TOP1: variants seen among roughly 807,000 people sequenced by gnomAD.
TOP1 encodes the protein DNA topoisomerase I.
A neutral mutation model predicts 111.1 loss-of-function variants in TOP1; 10 were observed. The observed-to-expected ratio is 0.09, with a 90% CI of 0.06 to 0.15. TOP1 has a LOEUF of 0.15. Among genes scored for constraint, TOP1 ranks in the 10% least tolerant of loss-of-function variants. The pLI is 1.00. For synonymous variants in TOP1, 271 were observed against 302.9 expected (o/e 0.89, Z 1.10); for missense variants, 474 against 926.7 (o/e 0.51, Z 6.34).
chr20:41,062,345 T>C (rs1425229533), intron 3 of TOP1, among the ~76,000 whole-genome samples: 1 of 152,222 alleles, frequency 6.6e-6, no homozygotes, highest in East Asian at 1.9e-4. Context: ...CAAGTTAAAG[T>C]GAGAATTGCT....
intron 3 of TOP1, chr20:41,073,090 A>G (rs965021743): frequency 7.8e-5 from 77 of 985,282 alleles, no homozygotes; most frequent in Non-Finnish European, 8.8e-5. Context: ...CAAATGTCTC[A>G]TTTGCCTTGT....
intron 11 of TOP1, among the ~76,000 whole-genome samples, chr20:41,099,705 C>T (rs1196337015): frequency 6.6e-6 from 1 of 152,138 alleles, no homozygotes; most frequent in Non-Finnish European, 1.5e-5. Flanking sequence ...TTATGAGGCT[C>T]TATCAGAGAC....
In TOP1 at chr20:41,109,448, A is replaced by C. The variant is rs1330339067; in HGVS notation, c.1309-3334A>C. 6.6e-6 allele frequency among the ~76,000 whole-genome samples: 1 copy of C among 152,202 alleles called. No homozygotes were observed. The highest frequency in any genetic ancestry group is 2.4e-5 in the African/African-American group (1 of 41,460). On this transcript the variant is annotated intron_variant, in intron 13 of 20. Coordinates refer to ENST00000361337, the MANE Select transcript of TOP1 (RefSeq NM_003286.4). The surrounding 1 kb of genome is among the most constrained non-coding windows in gnomAD (Gnocchi z 4.1). ...GGACAGAAAAACACCAACAAGAGAA[A>C]CAATTGACTAAATGGACTTCATTAA...
intron 18 of TOP1, among the ~76,000 whole-genome samples, chr20:41,119,324 T>G (rs148333154): frequency 1.3e-3 from 199 of 152,352 alleles, no homozygotes; most frequent in African/African-American, 4.5e-3. Flanking sequence ...ATACTAAATT[T>G]CAGCTAGAAG....
rs913765743 is a variant in TOP1, at chr20:41,061,274, C to T, written c.59-120C>T. The T allele has an allele frequency of 3.2e-5, 28 of 877,858 alleles. No individual in the cohort carries two copies. Among genetic ancestry groups the T allele is most frequent in the South Asian group, 2.3e-4 (12 of 51,816 alleles). The allele number at this position is 877,858 out of a possible 1,614,324, so 54.4% of individuals were successfully genotyped here. On this transcript the variant is annotated intron_variant, in intron 2 of 20. Coordinates refer to ENST00000361337, the MANE Select transcript of TOP1 (RefSeq NM_003286.4). The surrounding 1 kb of genome is among the most constrained non-coding windows in gnomAD (Gnocchi z 4.6). ...AAGCTTTTTTTTTCAGTGGCATGTG[C>T]TATTATGCCTACCATGCCATTTGAA...
At position 41,110,606 on chromosome 20, in the gene TOP1, G is replaced by C. The variant is rs1304230658; in HGVS notation, c.1309-2176G>C. Among the ~76,000 whole-genome samples the C allele has an allele frequency of 6.6e-6, 1 of 152,198 alleles. No individual in the cohort carries two copies. The highest frequency in any genetic ancestry group is 2.4e-5 in the African/African-American group (1 of 41,444). On this transcript the variant is annotated intron_variant, in intron 13 of 20. Coordinates refer to ENST00000361337, the MANE Select transcript of TOP1 (RefSeq NM_003286.4). This position sits in a 1 kb window ranked among gnomAD's most constrained non-coding sequence, Gnocchi z 4.2. The stretch of plus-strand genomic sequence containing the variant: ...GAATGGATAGCAGCTATATTAGAGA[G>C]ACAATATAGTGGGCCTACTAGTTTT...
intron 2 of TOP1, among the ~76,000 whole-genome samples, chr20:41,055,445 A>T (rs1463244799): frequency 6.6e-6 from 1 of 151,860 alleles, no homozygotes; most frequent in Non-Finnish European, 1.5e-5. Context: ...ACCACGAGGG[A>T]TGTAGATCTG....
In TOP1 at chr20:41,109,914, A is replaced by G. The variant is rs1018361911; in HGVS notation, c.1309-2868A>G. Among the ~76,000 whole-genome samples, 1 of 152,262 alleles carries G rather than the reference A, an allele frequency of 6.6e-6. No individual in the cohort carries two copies. Among genetic ancestry groups the G allele is most frequent in the African/African-American group, 2.4e-5 (1 of 41,476 alleles). ...CAGAATAGATAACACATTATGGTATAGTCATAGAATATACTATATTTATCA... is the reference window on the plus strand; with the variant it reads ...CAGAATAGATAACACATTATGGTATGGTCATAGAATATACTATATTTATCA... On this transcript the variant is annotated intron_variant, in intron 13 of 20. Transcript: ENST00000361337. The surrounding 1 kb of genome is among the most constrained non-coding windows in gnomAD (Gnocchi z 4.1).
In TOP1 at chr20:41,092,672, G is replaced by A; in HGVS notation, c.730+85G>A. On this transcript the variant is annotated intron_variant, in intron 9 of 20. Coordinates refer to ENST00000361337, the MANE Select transcript of TOP1 (RefSeq NM_003286.4). This position sits in a 1 kb window ranked among gnomAD's most constrained non-coding sequence, Gnocchi z 4.3. ...GATAGAAAACAAGGAAGGATCCTAT[G>A]TAATAGATAATCCTTTTTATTTCAT... 3.0e-6 allele frequency: 2 copies of A among 669,786 alleles called. No homozygotes were observed. The highest frequency in any genetic ancestry group is 5.2e-6 in the Non-Finnish European group (2 of 388,112). 41.5% of individuals were successfully genotyped at this position (669,786 alleles called of 1,614,324 possible).
intron 2 of TOP1, among the ~76,000 whole-genome samples, chr20:41,033,347 CA>C (rs34731706): frequency 0.69 from 70,127 of 100,904 alleles, 21,804 homozygotes; most frequent in East Asian, 0.84. Flanking sequence ...CCAATAGCAG[CA>C]AAAAAAAAAA....
At chr20:41,035,602 C>T (rs1289742828) in intron 2 of TOP1, among the ~76,000 whole-genome samples, 4 of 152,102 alleles carry the variant, frequency 2.6e-5, no homozygotes, top group Non-Finnish European at 4.4e-5. Context: ...AGAACGAAAC[C>T]GACCCAGCCA....
rs1049951347 is a variant in TOP1, at chr20:41,109,265, AATAT to A, written c.1309-3508_1309-3505del. On this transcript the variant is annotated intron_variant, in intron 13 of 20. Transcript: ENST00000361337. This position sits in a 1 kb window ranked among gnomAD's most constrained non-coding sequence, Gnocchi z 4.1. ...GAAAATAAGACACAAGCTCATTAAA[AATAT>A]ATATATATTCTGAGCCTGGCATCTT... Among the ~76,000 whole-genome samples, 1 of 152,076 alleles carries A rather than the reference AATAT, an allele frequency of 6.6e-6. No homozygotes were observed. The highest frequency in any genetic ancestry group is 2.4e-5 in the African/African-American group (1 of 41,402).
At chr20:41,090,035 G>A (rs1031985107) in intron 8 of TOP1, among the ~76,000 whole-genome samples, 5 of 151,898 alleles carry the variant, frequency 3.3e-5, no homozygotes, top group African/African-American at 7.3e-5. Flanking sequence ...GTGCAGTGGC[G>A]CAATCTTGGC....
chr20:41,099,129 T>C (rs973554199), intron 11 of TOP1, among the ~76,000 whole-genome samples: 1 of 152,210 alleles, frequency 6.6e-6, no homozygotes. Flanking sequence ...TTTAAAGGAC[T>C]TGCGTGTTTA....
At position 41,101,126 on chromosome 20, in the gene TOP1, G is replaced by A. The variant is rs2145952867; in HGVS notation, c.1164-83G>A. ...AAGGAAACTTGGAAAATTATGCTCAGCAGATAGGTCCACTTGGGGTCATGA... is the reference window on the plus strand; with the variant it reads ...AAGGAAACTTGGAAAATTATGCTCAACAGATAGGTCCACTTGGGGTCATGA... On this transcript the variant is annotated intron_variant, in intron 12 of 20. Coordinates refer to ENST00000361337, the MANE Select transcript of TOP1 (RefSeq NM_003286.4). The surrounding 1 kb of genome is among the most constrained non-coding windows in gnomAD (Gnocchi z 4.1). 6.8e-7 allele frequency: 1 copy of A among 1,470,132 alleles called. No individual in the cohort carries two copies. The highest frequency in any genetic ancestry group is 9.4e-7 in the Non-Finnish European group (1 of 1,060,374). The allele number at this position is 1,470,132 out of a possible 1,614,324, so 91.1% of individuals were successfully genotyped here. A position where few individuals can be genotyped will look rare whatever the true frequency, so the allele number is the denominator to read the frequency against.
At chr20:41,103,078 C>G (rs1245528430) in intron 13 of TOP1, among the ~76,000 whole-genome samples, 1 of 152,150 alleles carries the variant, frequency 6.6e-6, no homozygotes, top group South Asian at 2.1e-4. Flanking sequence ...GTGACAGTTG[C>G]ACAACATTGT....
At chr20:41,063,793 T>C (rs1190167025) in intron 3 of TOP1, among the ~76,000 whole-genome samples, 1 of 151,570 alleles carries the variant, frequency 6.6e-6, no homozygotes, top group Non-Finnish European at 1.5e-5. Flanking sequence ...GTTACTTGTT[T>C]TTTGCTTGTT....
intron 2 of TOP1, among the ~76,000 whole-genome samples, chr20:41,059,522 C>T (rs970815976): frequency 4.6e-5 from 7 of 151,782 alleles, no homozygotes; most frequent in Non-Finnish European, 1.0e-4. Flanking sequence ...AGGAGGATTG[C>T]TTGAGCCCAG....
In TOP1 at chr20:41,029,781, T is replaced by C; in HGVS notation, c.58+326T>C. 2.3e-6 allele frequency: 1 copy of C among 426,782 alleles called. No homozygotes were observed. Among genetic ancestry groups the C allele is most frequent in the Non-Finnish European group, 4.3e-6 (1 of 232,950 alleles). 26.4% of individuals were successfully genotyped at this position (426,782 alleles called of 1,614,324 possible). A position where few individuals can be genotyped will look rare whatever the true frequency, so the allele number is the denominator to read the frequency against. Reference sequence around the variant, plus strand: ...GGGACTTAGTCTCTGCGCCATTTTCTTTTTCTCTCTCCTCTCCTTTCTGTG... The same window carrying C: ...GGGACTTAGTCTCTGCGCCATTTTCCTTTTCTCTCTCCTCTCCTTTCTGTG... On this transcript the variant is annotated intron_variant, in intron 2 of 20. Coordinates refer to ENST00000361337, the MANE Select transcript of TOP1 (RefSeq NM_003286.4). This position sits in a 1 kb window ranked among gnomAD's most constrained non-coding sequence, Gnocchi z 6.1.
Sources: allele counts gnomAD v4.1 joint callset (sites outside exome capture counted in the v4.1 genomes callset), GRCh38; gene constraint gnomAD v4.1.1; non-coding constraint Gnocchi (gnomAD v3.1); transcripts MANE v1.5; gene names NCBI Gene and HGNC (gene_info 2026-07-23, HGNC 2026-07-21).